The following COL23A1 variants were observed in gnomAD, a reference collection of about 807,000 sequenced individuals.
COL23A1 encodes collagen alpha-1(XXIII) chain.
COL23A1 carries 97 observed loss-of-function variants against 99.3 expected under a neutral mutation model. The ratio of observed to expected loss-of-function variants is 0.98; its 90% CI spans 0.83 to 1.16. COL23A1 has a LOEUF of 1.16. COL23A1 is among the 50% of genes most tolerant of loss of function. The pLI is 0.00. For synonymous variants in COL23A1, 320 were observed against 308.2 expected, an observed-to-expected ratio of 1.04 and a Z score of -0.40; for missense variants, 762 against 757.4, an observed-to-expected ratio of 1.01 and a Z score of -0.07.
chr5:178,467,661 C>T (rs1382562931), intron 2 of COL23A1, among the ~76,000 whole-genome samples: 1 of 152,158 alleles, frequency 6.6e-6, no homozygotes, highest in East Asian at 1.9e-4. Flanking sequence ...CACGGCACAC[C>T]CGCTTCGTGA....
At chr5:178,250,370 C>G (rs940733156) in intron 17 of COL23A1, among the ~76,000 whole-genome samples, 1 of 152,184 alleles carries the variant, frequency 6.6e-6, no homozygotes, top group African/African-American at 2.4e-5. Context: ...GGTCACAGAG[C>G]CCAGGAACAA....
At chr5:178,250,672 T>C (rs537222229) in intron 17 of COL23A1, among the ~76,000 whole-genome samples, 174 of 146,656 alleles carry the variant, frequency 1.2e-3, no homozygotes, top group African/African-American at 4.1e-3. Context: ...ATTAAAAAGA[T>C]CAATATTGTA....
intron 1 of COL23A1, among the ~76,000 whole-genome samples, chr5:178,576,080 G>A (rs896037986): frequency 6.6e-6 from 1 of 152,188 alleles, no homozygotes; most frequent in African/African-American, 2.4e-5. Context: ...TTCAGACTGT[G>A]TTTCTCCTTG....
intron 2 of COL23A1, among the ~76,000 whole-genome samples, chr5:178,433,517 C>G (rs1766380270): frequency 6.6e-6 from 1 of 152,078 alleles, no homozygotes. Context: ...AGATCATTGG[C>G]AATTGGTGAT....
At chr5:178,358,593 ATGTGTATG>A (rs1441673159) in intron 2 of COL23A1, among the ~76,000 whole-genome samples, 11 of 136,112 alleles carry the variant, frequency 8.1e-5, no homozygotes, top group East Asian at 6.8e-4. Context: ...ATGTGTGTGT[ATGTGTATG>A]TGTGTATGCG....
intron 2 of COL23A1, among the ~76,000 whole-genome samples, chr5:178,480,253 C>A (rs1349160636): frequency 6.6e-6 from 1 of 151,998 alleles, no homozygotes; most frequent in Admixed American, 6.6e-5. Flanking sequence ...AAAGATTATT[C>A]TCCAAACCAA....
chr5:178,492,076 C>A (rs1210348631), intron 2 of COL23A1, among the ~76,000 whole-genome samples: 3 of 152,014 alleles, frequency 2.0e-5, no homozygotes, highest in Non-Finnish European at 1.5e-5. Flanking sequence ...TAATACAAAT[C>A]GAATTTAATA....
rs11249800 is a variant in COL23A1 at position 178,365,696 on chromosome 5, T to C, written c.362-58777A>G. Among the ~76,000 whole-genome samples the C allele has an allele frequency of 0.12, 17,754 of 152,162 alleles. 1,016 individuals carry two copies. The highest frequency in any genetic ancestry group is 0.15 in the South Asian group (728 of 4,818). On this transcript the variant is annotated intron_variant, in intron 2 of 28. Transcript: ENST00000390654. This position sits in a 1 kb window ranked among gnomAD's most constrained non-coding sequence, Gnocchi z 5.2. ...ACTGCGTGCTGTTCCCGGCAGACCC[T>C]TGCGTTTCCTGTTCTCTGCCTGGAA...
chr5:178,511,920 G>A (rs1759226451), intron 2 of COL23A1, among the ~76,000 whole-genome samples: 1 of 152,202 alleles, frequency 6.6e-6, no homozygotes, highest in African/African-American at 2.4e-5. Flanking sequence ...ACCACTCATT[G>A]CCAGATGAAG....
In COL23A1 at chr5:178,377,130, G is replaced by C. The variant is rs368728765; in HGVS notation, c.362-70211C>G. ...AGATTGATGGGACTACGCGGGCCACGCACAGGAAAGCGTCTGAGTCAGCAG... is the reference window on the plus strand; with the variant it reads ...AGATTGATGGGACTACGCGGGCCACCCACAGGAAAGCGTCTGAGTCAGCAG... On this transcript the variant is annotated intron_variant, in intron 2 of 28. Coordinates refer to ENST00000390654, the MANE Select transcript of COL23A1 (RefSeq NM_173465.4). Among the ~76,000 whole-genome samples, 21 of 152,318 alleles carry C rather than the reference G, an allele frequency of 1.4e-4. No homozygotes were observed. In the East Asian group the frequency reaches 2.1e-3, roughly 15 times the overall value.
At chr5:178,527,444 G>A (rs1760372162) in intron 2 of COL23A1, among the ~76,000 whole-genome samples, 1 of 152,186 alleles carries the variant, frequency 6.6e-6, no homozygotes, top group African/African-American at 2.4e-5. Context: ...GGCTCTGCCA[G>A]CTCCAAGGGG....
chr5:178,499,984 A>G (rs1758432781), intron 2 of COL23A1, among the ~76,000 whole-genome samples: 1 of 152,244 alleles, frequency 6.6e-6, no homozygotes, highest in African/African-American at 2.4e-5. Context: ...GATTACAGTT[A>G]CATAGACTTC....
intron 2 of COL23A1, among the ~76,000 whole-genome samples, chr5:178,335,472 C>G (rs6878639): frequency 0.024 from 3,651 of 152,190 alleles, 139 homozygotes; most frequent in African/African-American, 0.084. Flanking sequence ...CTGCTTAGAT[C>G]ACATGACTTC....
chr5:178,362,189 C>T (rs1762207837), intron 2 of COL23A1, among the ~76,000 whole-genome samples: 1 of 152,188 alleles, frequency 6.6e-6, no homozygotes, highest in African/African-American at 2.4e-5. Context: ...CTCCTCCTGT[C>T]CCTGCCTGTG....
chr5:178,485,962 G>T (rs1045748083), intron 2 of COL23A1, among the ~76,000 whole-genome samples: 1 of 152,086 alleles, frequency 6.6e-6, no homozygotes, highest in East Asian at 1.9e-4. Context: ...AAAAAGAATC[G>T]CAGCTGCAAA....
rs1212634035 is a variant in COL23A1 at position 178,308,210 on chromosome 5, A to T, written c.362-1291T>A. 6.6e-6 allele frequency among the ~76,000 whole-genome samples: 1 copy of T among 152,024 alleles called. No individual in the cohort carries two copies. The highest frequency in any genetic ancestry group is 1.5e-5 in the Non-Finnish European group (1 of 68,012). The stretch of plus-strand genomic sequence containing the variant: ...GAGGGCCAGTCTCTGAGAAACAGCG[A>T]GAGAGAAGAGATCCCTTCAGGTGGA... On this transcript the variant is annotated intron_variant, in intron 2 of 28. Transcript: ENST00000390654. The surrounding 1 kb of genome is among the most constrained non-coding windows in gnomAD (Gnocchi z 5.1).
intron 5 of COL23A1, among the ~76,000 whole-genome samples, chr5:178,278,181 C>T (rs538246465): frequency 1.5e-4 from 23 of 152,318 alleles, no homozygotes; most frequent in Admixed American, 2.0e-4. Context: ...CAGGACAGCT[C>T]GCAGCACACA....
At chr5:178,343,419 G>A (rs901559418) in intron 2 of COL23A1, among the ~76,000 whole-genome samples, 11 of 152,136 alleles carry the variant, frequency 7.2e-5, no homozygotes, top group Admixed American at 5.2e-4. Flanking sequence ...AAAGGCAGGG[G>A]ACAAGCTGAA....
chr5:178,520,506 G>C (rs1759882886), intron 2 of COL23A1, among the ~76,000 whole-genome samples: 1 of 152,206 alleles, frequency 6.6e-6, no homozygotes, highest in African/African-American at 2.4e-5. Context: ...TGGGAAGAAA[G>C]CACCTGTGAA....
Sources: allele counts gnomAD v4.1 joint callset (sites outside exome capture counted in the v4.1 genomes callset), GRCh38; gene constraint gnomAD v4.1.1; non-coding constraint Gnocchi (gnomAD v3.1); transcripts MANE v1.5; gene names NCBI Gene and HGNC (gene_info 2026-07-23, HGNC 2026-07-21).